Variants in HSF5 observed in about 807,000 individuals in gnomAD.
The protein encoded by HSF5 is heat shock factor protein 5.
In HSF5, 5 loss-of-function variants were observed where a neutral mutation model predicts 50.8. The ratio of observed to expected loss-of-function variants is 0.10; its 90% CI spans 0.05 to 0.21. The LOEUF is 0.21. Among genes scored for constraint, HSF5 ranks in the 10% least tolerant of loss-of-function variants. The pLI, the probability that HSF5 is intolerant of heterozygous loss-of-function variation, is 1.00. For missense variants in HSF5, 564 were observed against 762.6 expected (o/e 0.74, Z 3.07); for synonymous variants, 307 against 307.4 (o/e 1.00, Z 0.02).
chr17:58,487,982 C>A lies in HSF5; in HGVS notation c.293G>T (p.Gly98Val), dbSNP rs1209655926. The change falls in exon 1 of 6, where the codon GGG becomes GTG. Residue 98 changes from glycine to valine, a missense_variant. Coordinates refer to ENST00000323777, the MANE Select transcript of HSF5 (RefSeq NM_001080439.3). Reference sequence around the variant, plus strand: ...CCCATTGCCTGCCGGTTTGCCGCCCCCCGGCCCGCCCAGCACCACCTTGCG... The same window carrying A: ...CCCATTGCCTGCCGGTTTGCCGCCCACCGGCCCGCCCAGCACCACCTTGCG... ...GFRKVVLGGP[G>V]GGKPAGNGPL... 1 of 1,611,050 alleles carries A rather than the reference C, an allele frequency of 6.2e-7. No homozygotes were observed. Among genetic ancestry groups the A allele is most frequent in the South Asian group, 1.1e-5 (1 of 90,854 alleles).
At chr17:58,459,088 A>G in intron 4 of HSF5, 143 bp from the exon 5 acceptor site, 1 of 692,972 alleles carries the variant, frequency 1.4e-6, no homozygotes, top group Non-Finnish European at 2.4e-6. Context: ...TATTGATACT[A>G]TACCTTTCTC....
intron 5 of HSF5, among the ~76,000 whole-genome samples, chr17:58,423,770 C>T (rs1393414562): frequency 1.3e-5 from 2 of 152,178 alleles, no homozygotes; most frequent in Non-Finnish European, 2.9e-5. Flanking sequence ...TGAGCCACTG[C>T]GCCCGGCCCA....
chr17:58,439,633 C>T (rs531213065), intron 5 of HSF5, among the ~76,000 whole-genome samples: 107 of 152,142 alleles, frequency 7.0e-4, no homozygotes, highest in African/African-American at 2.3e-3. Flanking sequence ...TACAAGCATG[C>T]GCCACCATGC....
intron 3 of HSF5, among the ~76,000 whole-genome samples, chr17:58,463,808 T>G (rs1974827230): frequency 6.6e-6 from 1 of 152,216 alleles, no homozygotes; most frequent in Non-Finnish European, 1.5e-5. Context: ...ATATCAAATG[T>G]CCTTTGTTTC....
chr17:58,458,855 C>A lies in HSF5; in HGVS notation c.1633G>T (p.Ala545Ser), dbSNP rs187132043. The change falls in exon 5 of 6, where the codon GCT becomes TCT. Residue 545 changes from alanine to serine, a missense_variant. Ala to Ser is a moderately conservative substitution (Grantham distance 99). Transcript: ENST00000323777. ...MGFLISEMGP[A>S]SKPSEDTGLA... ...CCTGTGTCTTCACTAGGCTTGCTAG[C>A]AGGCCCCATTTCTGAAATGAGGAAT... The A allele has an allele frequency of 1.1e-4, 173 of 1,614,176 alleles. No homozygotes were observed. The South Asian group carries it at 1.8e-3, about 17-fold the overall frequency.
intron 3 of HSF5, 78 bp from the exon 4 acceptor site, chr17:58,463,381 T>C: frequency 1.8e-6 from 2 of 1,123,764 alleles, no homozygotes; most frequent in South Asian, 1.5e-5. Flanking sequence ...ATATTTAGGC[T>C]GATGAGTGCT....
chr17:58,456,601 G>T (rs532235045), intron 5 of HSF5, among the ~76,000 whole-genome samples: 41 of 152,208 alleles, frequency 2.7e-4, no homozygotes, highest in African/African-American at 9.6e-4. Context: ...TAGAGTGATG[G>T]ATATGGTAAT....
intron 5 of HSF5, among the ~76,000 whole-genome samples, chr17:58,441,410 GA>G (rs1974496432): frequency 6.6e-6 from 1 of 151,990 alleles, no homozygotes; most frequent in Admixed American, 6.6e-5. Flanking sequence ...GTTAATCTTA[GA>G]AAAGAAGATC....
At chr17:58,458,112 A>T (rs1242568571) in intron 5 of HSF5, among the ~76,000 whole-genome samples, 1 of 152,204 alleles carries the variant, frequency 6.6e-6, no homozygotes, top group Non-Finnish European at 1.5e-5. Context: ...TAGAATATTA[A>T]AATTGTCCAC....
intron 5 of HSF5, among the ~76,000 whole-genome samples, chr17:58,427,710 T>A (rs1974313599): frequency 6.6e-6 from 1 of 152,268 alleles, no homozygotes; most frequent in Non-Finnish European, 1.5e-5. Context: ...TTTGGTCATC[T>A]ATGAGAACTA....
At chr17:58,449,794 C>A (rs1328587802) in intron 5 of HSF5, among the ~76,000 whole-genome samples, 1 of 151,358 alleles carries the variant, frequency 6.6e-6, no homozygotes, top group Non-Finnish European at 1.5e-5. Context: ...GAGGCCGAGG[C>A]GGGCGGATCA....
At position 58,472,140 on chromosome 17, in the gene HSF5, A is replaced by G. The variant is rs186467174; in HGVS notation, c.926-5161T>C. On this transcript the variant is annotated intron_variant, in intron 2 of 5. Coordinates refer to ENST00000323777, the MANE Select transcript of HSF5 (RefSeq NM_001080439.3). ...CCAAAGTGCTGGAAGTACAGACGTG[A>G]GCCACTGTGCCCAGCCTTCTAGGAC... Among the ~76,000 whole-genome samples the G allele has an allele frequency of 6.5e-4, 99 of 152,268 alleles. 1 individual carries two copies. The highest frequency in any genetic ancestry group is 2.4e-3 in the African/African-American group (98 of 41,560).
chr17:58,469,526 A>T (rs542545468), intron 2 of HSF5, among the ~76,000 whole-genome samples: 4 of 152,356 alleles, frequency 2.6e-5, no homozygotes, highest in African/African-American at 9.6e-5. Flanking sequence ...AAGATTCCTC[A>T]ATGGCTATTC....
intron 5 of HSF5, among the ~76,000 whole-genome samples, chr17:58,426,707 A>G (rs770998366): frequency 6.6e-6 from 1 of 152,232 alleles, no homozygotes; most frequent in Non-Finnish European, 1.5e-5. Context: ...AGTTCCCACA[A>G]TGAGATTAAT....
chr17:58,455,403 T>C (rs1974695895), intron 5 of HSF5, among the ~76,000 whole-genome samples: 1 of 152,050 alleles, frequency 6.6e-6, no homozygotes, highest in Non-Finnish European at 1.5e-5. Flanking sequence ...AAATGCTTCA[T>C]GAAAATGGAC....
intron 5 of HSF5, among the ~76,000 whole-genome samples, chr17:58,439,432 TC>T (rs1974470891): frequency 6.6e-6 from 1 of 150,962 alleles, no homozygotes. Context: ...AACAGCAAGT[TC>T]CCCCAAAAAG....
intron 5 of HSF5, among the ~76,000 whole-genome samples, chr17:58,446,293 C>T (rs944557939): frequency 6.6e-6 from 1 of 152,020 alleles, no homozygotes; most frequent in African/African-American, 2.4e-5. Flanking sequence ...AATCACAGTG[C>T]CTGGATTTAG....
intron 4 of HSF5, among the ~76,000 whole-genome samples, chr17:58,460,469 ACAT>A: frequency 1.2e-5 from 1 of 83,216 alleles, no homozygotes; most frequent in Non-Finnish European, 2.4e-5. Flanking sequence ...AGCTTTATAT[ACAT>A]ATATATACAC....
chr17:58,476,971 G>A, intron 2 of HSF5: 1 of 627,080 alleles, frequency 1.6e-6, no homozygotes, highest in East Asian at 2.7e-5. Context: ...TGGGAGACGG[G>A]GGCGGGGGAA....
Sources: gnomAD v4.1 joint callset for allele counts (sites outside exome capture counted in the v4.1 genomes callset) on GRCh38, gnomAD v4.1.1 for gene constraint, MANE v1.5 for transcripts, NCBI Gene and HGNC (gene_info 2026-07-23, HGNC 2026-07-21) for gene names.